The following SENP7 variants were observed in gnomAD, a reference collection of about 807,000 sequenced individuals.
SENP7 encodes sentrin-specific protease 7.
Under a neutral mutation model 141.2 loss-of-function variants are expected in SENP7, and 64 were observed. That is an observed-to-expected ratio of 0.45 (90% CI 0.37 to 0.56). The LOEUF (loss-of-function observed/expected upper bound fraction) is 0.56, where lower values mean the gene tolerates loss of function less well. SENP7 is among the 20% of genes least tolerant of loss of function. SENP7 has a pLI of 0.00. For missense variants in SENP7, 1,025 were observed against 1,212.2 expected (o/e 0.85, Z 2.29); for synonymous variants, 382 against 426.4 (o/e 0.90, Z 1.28).
chr3:101,503,029 C>T (rs992562010), intron 1 of SENP7, among the ~76,000 whole-genome samples: 2 of 151,764 alleles, frequency 1.3e-5, no homozygotes, highest in Non-Finnish European at 2.9e-5. Context: ...TCAAAGAATT[C>T]ATAACCAGAA....
chr3:101,361,957 T>C, intron 10 of SENP7, 96 bp from the exon 11 acceptor site: 2 of 1,328,680 alleles, frequency 1.5e-6, no homozygotes, highest in Non-Finnish European at 2.0e-6. Context: ...TAAATTACTA[T>C]TAGTGAATTT....
chr3:101,367,940 C>G lies in SENP7; in HGVS notation c.868G>C (p.Asp290His), dbSNP rs773355113. Residue 290 changes from aspartate to histidine, a missense_variant, in exon 8 of 24, where the codon GAT (aspartate) becomes CAT (histidine). By Grantham distance (81) the Asp-to-His change is moderately conservative (BLOSUM62 -1). This residue lies in a region of SENP7 where 496 missense variants were observed against 503.5 expected (regional missense o/e 0.99). Coordinates refer to ENST00000394095, the MANE Select transcript of SENP7 (RefSeq NM_020654.5). ...ATCAGAGTGAGTTCCACTTTTGAAT[C>G]AGAATATTTAACATCCTTGTTTCTG... ...ESRNKDVKYS[D>H]SKVELTLISR... 3.1e-6 allele frequency: 5 copies of G among 1,612,884 alleles called. No homozygotes were observed. Among genetic ancestry groups the G allele is most frequent in the Non-Finnish European group, 4.2e-6 (5 of 1,179,186 alleles).
intron 13 of SENP7, chr3:101,347,646 C>A (rs540249260): frequency 3.0e-5 from 7 of 231,550 alleles, no homozygotes; most frequent in Non-Finnish European, 4.1e-5. Flanking sequence ...GGCGTGAACC[C>A]GGGAGGCAGA....
chr3:101,444,329 T>C (rs1221691410), intron 4 of SENP7, among the ~76,000 whole-genome samples: 1 of 151,710 alleles, frequency 6.6e-6, no homozygotes, highest in Non-Finnish European at 1.5e-5. Flanking sequence ...TGGAAGTCAG[T>C]GTGGCGATTT....
intron 6 of SENP7, among the ~76,000 whole-genome samples, chr3:101,377,725 G>A (rs2060376572): frequency 6.6e-6 from 1 of 152,190 alleles, no homozygotes; most frequent in Non-Finnish European, 1.5e-5. Flanking sequence ...CCCAACTCTA[G>A]CTCCGTCTAG....
intron 20 of SENP7, among the ~76,000 whole-genome samples, chr3:101,329,731 A>G: frequency 6.8e-6 from 1 of 147,494 alleles, no homozygotes; most frequent in South Asian, 2.2e-4. Flanking sequence ...TGAGGTGAGG[A>G]GTTCAAGACA....
chr3:101,399,197 T>C (rs2061061101), intron 5 of SENP7, 142 bp from the exon 6 acceptor site: 1 of 459,702 alleles, frequency 2.2e-6, no homozygotes, highest in Non-Finnish European at 3.7e-6. Flanking sequence ...AATTAACCCA[T>C]AAATACTTAA....
At chr3:101,438,160 T>C (rs892567259) in intron 4 of SENP7, among the ~76,000 whole-genome samples, 4 of 152,188 alleles carry the variant, frequency 2.6e-5, no homozygotes, top group Non-Finnish European at 5.9e-5. Flanking sequence ...ATGTTAACGA[T>C]AGCTAAAATA....
chr3:101,399,444 T>C (rs998144147), intron 5 of SENP7, among the ~76,000 whole-genome samples: 7 of 152,226 alleles, frequency 4.6e-5, no homozygotes, highest in African/African-American at 1.7e-4. Context: ...TTAACAGAAA[T>C]GTCTTTGATA....
chr3:101,399,080 G>GT, intron 5 of SENP7, 25 bp from the exon 6 acceptor site: 1 of 1,493,700 alleles, frequency 6.7e-7, no homozygotes, highest in South Asian at 1.3e-5. Flanking sequence ...AACAAACACT[G>GT]TACTGTACTG....
At chr3:101,353,778 C>G (rs2107288420) in intron 11 of SENP7, among the ~76,000 whole-genome samples, 1 of 152,016 alleles carries the variant, frequency 6.6e-6, no homozygotes, top group African/African-American at 2.4e-5. Flanking sequence ...GAACATGGCT[C>G]TAATTTATGT....
chr3:101,477,519 A>C (rs1218938444), intron 3 of SENP7, among the ~76,000 whole-genome samples: 1 of 152,098 alleles, frequency 6.6e-6, no homozygotes, highest in Non-Finnish European at 1.5e-5. Context: ...CTAATAATGC[A>C]CCTGAAAAAA....
At chr3:101,463,402 T>TATATATATATATACACAA (rs1553744833) in intron 3 of SENP7, among the ~76,000 whole-genome samples, 1 of 101,254 alleles carries the variant, frequency 9.9e-6, no homozygotes, top group African/African-American at 3.9e-5. Context: ...TATATACATA[T>TATATATATATATACACAA]ATATATATAT....
intron 4 of SENP7, among the ~76,000 whole-genome samples, chr3:101,446,756 C>A (rs1292439152): frequency 6.6e-6 from 1 of 151,920 alleles, no homozygotes; most frequent in East Asian, 1.9e-4. Flanking sequence ...AAACTATGGA[C>A]AATCAAAAGC....
chr3:101,492,135 C>T (rs1559905946), intron 3 of SENP7, among the ~76,000 whole-genome samples: 1 of 151,664 alleles, frequency 6.6e-6, no homozygotes, highest in Admixed American at 6.6e-5. Flanking sequence ...CGGGGGCTCA[C>T]GCCTGTAAAC....
chr3:101,496,114 CAAAT>C (rs986821623), intron 2 of SENP7, among the ~76,000 whole-genome samples: 5 of 152,058 alleles, frequency 3.3e-5, no homozygotes, highest in African/African-American at 1.2e-4. Context: ...TATAAACAGA[CAAAT>C]AAACTAGAAG....
intron 3 of SENP7, among the ~76,000 whole-genome samples, chr3:101,489,878 A>G (rs760295347): frequency 1.2e-4 from 19 of 152,176 alleles, no homozygotes; most frequent in Admixed American, 2.0e-4. Context: ...AGTCATCACA[A>G]AAATGCAAAT....
At chr3:101,497,580 G>A (rs1483150223) in intron 2 of SENP7, among the ~76,000 whole-genome samples, 1 of 151,870 alleles carries the variant, frequency 6.6e-6, no homozygotes, top group Non-Finnish European at 1.5e-5. Context: ...CCCAAGGCTG[G>A]AATACTTTGA....
At chr3:101,360,769 G>C (rs1367203338) in intron 11 of SENP7, among the ~76,000 whole-genome samples, 1 of 152,224 alleles carries the variant, frequency 6.6e-6, no homozygotes, top group African/African-American at 2.4e-5. Flanking sequence ...GAAGTCAAAT[G>C]AAGTGTTATA....
Sources: allele counts gnomAD v4.1 joint callset (sites outside exome capture counted in the v4.1 genomes callset), GRCh38; gene constraint gnomAD v4.1.1; regional missense constraint gnomAD v4.1.1; transcripts MANE v1.5; gene names NCBI Gene and HGNC (gene_info 2026-07-23, HGNC 2026-07-21).